The following CARM1 variants were observed in gnomAD, a reference collection of about 807,000 sequenced individuals.
The protein encoded by CARM1 is histone-arginine methyltransferase CARM1.
Under a neutral mutation model 72.7 loss-of-function variants are expected in CARM1, and 14 were observed. That is an observed-to-expected ratio of 0.19 (90% CI 0.13 to 0.30). The LOEUF (loss-of-function observed/expected upper bound fraction) is 0.30. Ranked by LOEUF, CARM1 falls within the 10% of genes least tolerant of loss-of-function variation. The pLI, the probability that CARM1 is intolerant of heterozygous loss-of-function variation, is 1.00. For synonymous variants in CARM1, 333 were observed against 345.5 expected (o/e 0.96, Z 0.40); for missense variants, 432 against 833.7 (o/e 0.52, Z 5.93).
At chr19:10,908,868 C>A (rs1231569189) in intron 3 of CARM1, 1 of 418,922 alleles carries the variant, frequency 2.4e-6, no homozygotes. Flanking sequence ...CAGGTCCAGG[C>A]GGCATCAGCT....
Position 10,916,632 on chromosome 19 carries a change from A to AG in CARM1, c.939-61dup, listed in dbSNP as rs1220817152. 29 of 1,456,230 alleles carry AG rather than the reference A, an allele frequency of 2.0e-5. No individual in the cohort carries two copies. The highest frequency in any genetic ancestry group is 2.8e-5 in the African/African-American group (2 of 71,622). 90.2% of individuals were successfully genotyped at this position (1,456,230 alleles called of 1,614,324 possible). A position where few individuals can be genotyped will look rare whatever the true frequency, so the allele number is the denominator to read the frequency against. On this transcript the variant is annotated intron_variant, in intron 7 of 15. Transcript: ENST00000327064. The surrounding 1 kb of genome is among the most constrained non-coding windows in gnomAD (Gnocchi z 4.4). Reference sequence around the variant, plus strand: ...ATGAGGGCTGACTGGGAGAGAAGGCAGGGCTACCCCACCTGCCTCTTCTGC... The same window carrying AG: ...ATGAGGGCTGACTGGGAGAGAAGGCAGGGGCTACCCCACCTGCCTCTTCTGC...
chr19:10,894,116 C>T (rs1385468451), intron 1 of CARM1, among the ~76,000 whole-genome samples: 5 of 152,210 alleles, frequency 3.3e-5, no homozygotes, highest in Admixed American at 3.3e-4. Flanking sequence ...CCCGAGTCTG[C>T]CTGGAATCTG....
chr19:10,900,769 C>T (rs577279264), intron 1 of CARM1, among the ~76,000 whole-genome samples: 191 of 152,020 alleles, frequency 1.3e-3, no homozygotes, highest in Non-Finnish European at 2.1e-3. Flanking sequence ...CCGCAAGCTC[C>T]GCCTCCCAGG....
chr19:10,880,343 AT>A (rs923944270), intron 1 of CARM1, among the ~76,000 whole-genome samples: 26 of 150,846 alleles, frequency 1.7e-4, no homozygotes, highest in African/African-American at 5.4e-4. Flanking sequence ...CAGAGCTAGG[AT>A]TTTTTTTTCT....
chr19:10,908,356 A>G (rs1214581462), intron 3 of CARM1, among the ~76,000 whole-genome samples: 1 of 152,068 alleles, frequency 6.6e-6, no homozygotes, highest in Non-Finnish European at 1.5e-5. Context: ...CCTGCCTGAG[A>G]GGGTTGCTGG....
intron 1 of CARM1, among the ~76,000 whole-genome samples, chr19:10,877,642 G>A (rs1354658328): frequency 2.6e-5 from 4 of 151,944 alleles, no homozygotes; most frequent in African/African-American, 9.7e-5. Context: ...GGCTGGCCTC[G>A]AACTCCTGAC....
intron 1 of CARM1, among the ~76,000 whole-genome samples, chr19:10,886,436 T>C (rs2073942959): frequency 6.6e-6 from 1 of 151,936 alleles, no homozygotes; most frequent in Non-Finnish European, 1.5e-5. Context: ...GCTCATGCAG[T>C]CCTCCCACCT....
Position 10,871,972 on chromosome 19 carries a change from C to T in CARM1, c.220+50C>T, listed in dbSNP as rs1390555355. ...CGCAGGGCCGGGGCTGCTCACGAGG[C>T]CGGCCCGGGGCGGGGGCCGGCGGGG... On this transcript the variant is annotated intron_variant, in intron 1 of 15. Transcript: ENST00000327064. This position sits in a 1 kb window ranked among gnomAD's most constrained non-coding sequence, Gnocchi z 5.6. The T allele has an allele frequency of 8.6e-6, 10 of 1,162,818 alleles. No individual in the cohort carries two copies. The highest frequency in any genetic ancestry group is 9.5e-6 in the Non-Finnish European group (9 of 942,722). The allele number at this position is 1,162,818 out of a possible 1,614,324, so 72.0% of individuals were successfully genotyped here.
At chr19:10,908,358 G>A (rs2074120489) in intron 3 of CARM1, among the ~76,000 whole-genome samples, 1 of 152,196 alleles carries the variant, frequency 6.6e-6, no homozygotes, top group Non-Finnish European at 1.5e-5. Flanking sequence ...TGCCTGAGAG[G>A]GTTGCTGGAA....
chr19:10,895,251 C>T (rs1285159206), intron 1 of CARM1, among the ~76,000 whole-genome samples: 1 of 152,138 alleles, frequency 6.6e-6, no homozygotes, highest in African/African-American at 2.4e-5. Context: ...ATTACAGGTG[C>T]CCACCACCAC....
At chr19:10,887,925 C>A (rs980197483) in intron 1 of CARM1, among the ~76,000 whole-genome samples, 2 of 152,176 alleles carry the variant, frequency 1.3e-5, no homozygotes, top group African/African-American at 4.8e-5. Flanking sequence ...GAAGGCAGGC[C>A]CCAGCCCAGC....
At chr19:10,907,946 G>C in intron 2 of CARM1, 93 bp from the exon 3 acceptor site, 1 of 766,226 alleles carries the variant, frequency 1.3e-6, no homozygotes, top group Non-Finnish European at 2.3e-6. Flanking sequence ...AGGGAGAAAC[G>C]TCAGGACATA....
intron 1 of CARM1, among the ~76,000 whole-genome samples, chr19:10,884,719 T>C (rs967908722): frequency 2.8e-4 from 42 of 152,152 alleles, no homozygotes; most frequent in Non-Finnish European, 5.1e-4. Flanking sequence ...TATTATTTTT[T>C]TTTGAGACTG....
intron 1 of CARM1, among the ~76,000 whole-genome samples, chr19:10,888,510 G>A (rs2073957693): frequency 6.6e-6 from 1 of 152,142 alleles, no homozygotes; most frequent in Admixed American, 6.6e-5. Context: ...TGCTTCCTGG[G>A]GCTCCATAAA....
chr19:10,873,606 T>A (rs1373533759), intron 1 of CARM1, among the ~76,000 whole-genome samples: 2 of 148,380 alleles, frequency 1.3e-5, no homozygotes, highest in Non-Finnish European at 3.0e-5. Flanking sequence ...AAATTTTTTT[T>A]AGAACAATTT....
At position 10,920,740 on chromosome 19, in the gene CARM1, C is replaced by T. The variant is rs778569150; in HGVS notation, c.1416C>T (p.Pro472=). 3 of 1,614,036 alleles carry T rather than the reference C, an allele frequency of 1.9e-6. No individual in the cohort carries two copies. The highest frequency in any genetic ancestry group is 2.5e-6 in the Non-Finnish European group (3 of 1,180,012). The change falls in exon 12 of 16, where the codon CCC becomes CCT. Residue 472 remains proline, a synonymous_variant. Transcript: ENST00000327064. This position sits in a 1 kb window ranked among gnomAD's most constrained non-coding sequence, Gnocchi z 5.3. Reference sequence around the variant, plus strand: ...GTAACCTCCTGGATCTGAAAAACCCCTTCTTTAGGTAGGAGGGGCCCCTTG... The same window carrying T: ...GTAACCTCCTGGATCTGAAAAACCCTTTCTTTAGGTAGGAGGGGCCCCTTG... ...KSSNLLDLKN[P]FFRYTGTTPS...
In CARM1 at chr19:10,920,955, G is replaced by C. The variant is rs2074239387; in HGVS notation, c.1537+9G>C. On this transcript the variant is annotated intron_variant, in intron 13 of 15. Transcript: ENST00000327064. This position sits in a 1 kb window ranked among gnomAD's most constrained non-coding sequence, Gnocchi z 5.3. The stretch of plus-strand genomic sequence containing the variant: ...CGGGATGGCCGTGGCAGGTGAGCAG[G>C]GCCCACCCCAATGCCCAGCCAACCC... 1 of 1,613,460 alleles carries C rather than the reference G, an allele frequency of 6.2e-7. No homozygotes were observed. Among genetic ancestry groups the C allele is most frequent in the South Asian group, 1.1e-5 (1 of 91,080 alleles).
chr19:10,883,474 T>A (rs2073917044), intron 1 of CARM1, among the ~76,000 whole-genome samples: 3 of 152,292 alleles, frequency 2.0e-5, no homozygotes, highest in Middle Eastern at 6.8e-3. Context: ...GCTTCACGTT[T>A]CAGTCTCAAG....
intron 1 of CARM1, among the ~76,000 whole-genome samples, chr19:10,874,380 TA>T (rs1211546975): frequency 3.3e-5 from 5 of 151,932 alleles, no homozygotes; most frequent in Admixed American, 1.3e-4. Context: ...CTTTCTTTTT[TA>T]TTTTTTTTAT....
Sources: gnomAD v4.1 joint callset for allele counts (sites outside exome capture counted in the v4.1 genomes callset) on GRCh38, gnomAD v4.1.1 for gene constraint, Gnocchi (gnomAD v3.1) non-coding constraint, MANE v1.5 for transcripts, NCBI Gene and HGNC (gene_info 2026-07-23, HGNC 2026-07-21) for gene names.